Variants in OSBPL9 observed in about 807,000 individuals in gnomAD.
OSBPL9 encodes oxysterol-binding protein-related protein 9.
In OSBPL9, 40 loss-of-function variants were observed where a neutral mutation model predicts 106.6. The observed-to-expected ratio is 0.38, with a 90% CI of 0.29 to 0.49. The LOEUF (loss-of-function observed/expected upper bound fraction) is 0.49, where lower values mean the gene tolerates loss of function less well. Among genes scored for constraint, OSBPL9 ranks in the 20% least tolerant of loss-of-function variants. OSBPL9 has a pLI of 0.97. For missense variants in OSBPL9, 609 were observed against 887.2 expected, an observed-to-expected ratio of 0.69 and a Z score of 3.98; for synonymous variants, 269 against 295.4, an observed-to-expected ratio of 0.91 and a Z score of 0.92.
At chr1:51,611,726 T>C (rs1643989175) in intron 2 of OSBPL9, among the ~76,000 whole-genome samples, 1 of 152,070 alleles carries the variant, frequency 6.6e-6, no homozygotes, top group Non-Finnish European at 1.5e-5. Context: ...AATCCCACAC[T>C]CTGGAAGGTC....
In OSBPL9 at chr1:51,729,777, C is replaced by G. The variant is rs1419254347; in HGVS notation, c.318+15698C>G. On this transcript the variant is annotated intron_variant, in intron 4 of 23. Transcript: ENST00000428468. The surrounding 1 kb of genome is among the most constrained non-coding windows in gnomAD (Gnocchi z 5.1). ...GCCAGGGCCAGCCAATCGGGGCGAC[C>G]CCTCCGCCGGGGAGGGGACGGGAAA... 3 of 1,219,600 alleles carry G rather than the reference C, an allele frequency of 2.5e-6. No homozygotes were observed. Among genetic ancestry groups the G allele is most frequent in the Non-Finnish European group, 3.1e-6 (3 of 970,302 alleles). The allele number at this position is 1,219,600 out of a possible 1,614,324, so 75.5% of individuals were successfully genotyped here. A position where few individuals can be genotyped will look rare whatever the true frequency, so the allele number is the denominator to read the frequency against.
intron 2 of OSBPL9, chr1:51,598,268 G>C (rs1188804637): frequency 6.6e-6 from 1 of 152,210 alleles, no homozygotes; most frequent in Non-Finnish European, 1.5e-5. Flanking sequence ...TGGAACATAA[G>C]GTTCCTGGGA....
At chr1:51,583,747 CG>C (rs973992920) in intron 1 of OSBPL9, 1 of 152,200 alleles carries the variant, frequency 6.6e-6, no homozygotes, top group African/African-American at 2.4e-5. Context: ...GAGCTGTCCT[CG>C]GTGGGTCTGA....
At chr1:51,600,828 G>A (rs1645322505) in intron 2 of OSBPL9, among the ~76,000 whole-genome samples, 1 of 152,182 alleles carries the variant, frequency 6.6e-6, no homozygotes, top group Admixed American at 6.6e-5. Flanking sequence ...AGATGAATGT[G>A]AAATTACTAA....
At chr1:51,577,113 C>G, upstream of OSBPL9, 1 of 152,070 alleles carries the variant, frequency 6.6e-6, no homozygotes, top group East Asian at 1.9e-4. Flanking sequence ...ACCTCCCCTT[C>G]CTACTCTCTC....
At chr1:51,536,377 G>A in the OSBPL9 span, among the ~76,000 whole-genome samples, 2 of 152,100 alleles carry the variant, frequency 1.3e-5, no homozygotes, top group Non-Finnish European at 2.9e-5. Flanking sequence ...TTCAATTACA[G>A]CTCACTTACA....
At chr1:51,631,456 G>A (rs189133799) in intron 1 of OSBPL9, among the ~76,000 whole-genome samples, 4 of 152,092 alleles carry the variant, frequency 2.6e-5, no homozygotes, top group East Asian at 1.9e-4. Flanking sequence ...CAGGAAGATC[G>A]CTTGAGCCCA....
chr1:51,789,152 G>GCTA lies in OSBPL9; in HGVS notation c.*1364_*1365insTAC. The stretch of plus-strand genomic sequence containing the variant: ...GCAAAACTTCAATGGAAGCCCTAAG[G>GCTA]CAGTAGTATAACTAACTCCATAAAA... On this transcript the variant is annotated 3_prime_UTR_variant, in exon 24 of 24. Transcript: ENST00000428468. 7.9e-7 allele frequency: 1 copy of GCTA among 1,267,570 alleles called. No homozygotes were observed. The highest frequency in any genetic ancestry group is 1.2e-5 in the South Asian group (1 of 82,760). 78.5% of individuals were successfully genotyped at this position (1,267,570 alleles called of 1,614,324 possible).
chr1:51,780,203 TAAA>T (rs78426387), intron 15 of OSBPL9, among the ~76,000 whole-genome samples: 2 of 142,056 alleles, frequency 1.4e-5, no homozygotes, highest in Non-Finnish European at 1.6e-5. Context: ...ATGGCCATAT[TAAA>T]AAAAAAAAAA....
At position 51,781,235 on chromosome 1, in the gene OSBPL9, C is replaced by T. The variant is rs1290971943; in HGVS notation, c.1328C>T (p.Ala443Val). 5 of 1,613,806 alleles carry T rather than the reference C, an allele frequency of 3.1e-6. No homozygotes were observed. Among genetic ancestry groups the T allele is most frequent in the African/African-American group, 1.3e-5 (1 of 74,846 alleles). ...AAATGGTACCTCTCAGCCTTTCATG[C>T]GGGAAGGAAAGGATCAGTTGCCAAA... ...VVKWYLSAFHAGRKGSVAKKP... is the reference protein window; with the variant it reads ...VVKWYLSAFHVGRKGSVAKKP... Residue 443 changes from alanine (A) to valine (V), a missense_variant, in exon 16 of 24, where the codon GCG becomes GTG. Transcript: ENST00000428468.
chr1:51,529,986 A>G, the OSBPL9 span, among the ~76,000 whole-genome samples: 1 of 151,414 alleles, frequency 6.6e-6, no homozygotes, highest in Non-Finnish European at 1.5e-5. Flanking sequence ...CCTGGCTAAC[A>G]CGGTGAAACC....
chr1:51,773,025 C>A (rs1241810294), intron 14 of OSBPL9, among the ~76,000 whole-genome samples: 1 of 152,114 alleles, frequency 6.6e-6, no homozygotes, highest in Admixed American at 6.5e-5. Flanking sequence ...AAACCACGCA[C>A]GGTCTTCAGT....
chr1:51,778,975 A>G (rs1675686037), intron 15 of OSBPL9, among the ~76,000 whole-genome samples: 1 of 152,176 alleles, frequency 6.6e-6, no homozygotes, highest in South Asian at 2.1e-4. Flanking sequence ...ACATACAGAA[A>G]ATCTCCAATT....
chr1:51,545,035 G>C, the OSBPL9 span, among the ~76,000 whole-genome samples: 1 of 151,732 alleles, frequency 6.6e-6, no homozygotes, highest in Non-Finnish European at 1.5e-5. Context: ...GTAGAGACAG[G>C]GTTTCACCAT....
intron 2 of OSBPL9, among the ~76,000 whole-genome samples, chr1:51,604,903 C>T (rs897561035): frequency 7.2e-5 from 11 of 152,144 alleles, no homozygotes; most frequent in Admixed American, 1.3e-4. Context: ...CCACCCGCCT[C>T]AGCCTCCCAA....
intron 4 of OSBPL9, among the ~76,000 whole-genome samples, chr1:51,737,626 A>G (rs1298106165): frequency 6.6e-6 from 1 of 151,806 alleles, no homozygotes; most frequent in Non-Finnish European, 1.5e-5. Context: ...GTAAAATTAC[A>G]TAAAACTGCA....
intron 1 of OSBPL9, among the ~76,000 whole-genome samples, chr1:51,590,811 A>AC (rs1645271497): frequency 6.6e-6 from 1 of 150,744 alleles, no homozygotes; most frequent in Non-Finnish European, 1.5e-5. Flanking sequence ...GTGCAGTGGC[A>AC]CGATCATAGG....
intron 1 of OSBPL9, among the ~76,000 whole-genome samples, chr1:51,622,379 A>C (rs1043490801): frequency 6.6e-6 from 1 of 152,180 alleles, no homozygotes; most frequent in Non-Finnish European, 1.5e-5. Flanking sequence ...AGATCTTTGG[A>C]TAGGACTCTG....
At chr1:51,719,461 C>G (rs1327942363) in intron 4 of OSBPL9, among the ~76,000 whole-genome samples, 4 of 150,824 alleles carry the variant, frequency 2.7e-5, no homozygotes, top group Non-Finnish European at 4.4e-5. Context: ...TTTTTTTAAC[C>G]CTAGTAAGCT....
Sources: allele counts gnomAD v4.1 joint callset (sites outside exome capture counted in the v4.1 genomes callset), GRCh38; gene constraint gnomAD v4.1.1; non-coding constraint Gnocchi (gnomAD v3.1); transcripts MANE v1.5; gene names NCBI Gene and HGNC (gene_info 2026-07-23, HGNC 2026-07-21).